GFPT2: variants seen among roughly 807,000 people sequenced by gnomAD.
The protein encoded by GFPT2 is glutamine--fructose-6-phosphate transaminase 2.
A neutral mutation model predicts 85.6 loss-of-function variants in GFPT2; 62 were observed. The ratio of observed to expected loss-of-function variants is 0.72; its 90% CI spans 0.59 to 0.90. The LOEUF (loss-of-function observed/expected upper bound fraction) is 0.90, where lower values mean the gene tolerates loss of function less well. GFPT2 is among the 40% of genes least tolerant of loss of function. The pLI, the probability that GFPT2 is intolerant of heterozygous loss-of-function variation, is 0.00. For missense variants in GFPT2, 788 were observed against 893.4 expected, an observed-to-expected ratio of 0.88 and a Z score of 1.50; for synonymous variants, 368 against 344.5, an observed-to-expected ratio of 1.07 and a Z score of -0.75.
chr5:180,343,239 A>G (rs563409719), intron 1 of GFPT2, among the ~76,000 whole-genome samples: 9 of 152,272 alleles, frequency 5.9e-5, no homozygotes. Context: ...TCCCCCCTGC[A>G]GCTCCCCCAC....
chr5:180,308,873 C>CTTT (rs35259770), intron 15 of GFPT2, among the ~76,000 whole-genome samples: 2 of 143,986 alleles, frequency 1.4e-5, no homozygotes, highest in African/African-American at 5.1e-5. Context: ...TCAGAGAAGA[C>CTTT]TTTTTTTTTT....
At chr5:180,307,407 T>G in intron 15 of GFPT2, 104 bp from the exon 16 acceptor site, 1 of 1,121,586 alleles carries the variant, frequency 8.9e-7, no homozygotes, top group Non-Finnish European at 1.3e-6. Context: ...TGAAACCGCA[T>G]CACTTAGCAC....
chr5:180,318,689 G>A lies in GFPT2; in HGVS notation c.958+104C>T, dbSNP rs892372635. The A allele has an allele frequency of 1.5e-4, 140 of 961,892 alleles. No individual in the cohort carries two copies. The African/African-American group carries it at 2.0e-3, about 14-fold the overall frequency. The allele number at this position is 961,892 out of a possible 1,614,324, so 59.6% of individuals were successfully genotyped here. A position where few individuals can be genotyped will look rare whatever the true frequency, so the allele number is the denominator to read the frequency against. ...AGCCCCGCCCTGGTGGCCACAGAGG[G>A]CAGGAGGGCTGTGGCCTCTACTAGG... is the stretch of plus-strand genomic sequence containing the variant. On this transcript the variant is annotated intron_variant, in intron 10 of 18. Coordinates refer to ENST00000253778, the MANE Select transcript of GFPT2 (RefSeq NM_005110.4). The surrounding 1 kb of genome is among the most constrained non-coding windows in gnomAD (Gnocchi z 4.2).
At position 180,301,337 on chromosome 5, in the gene GFPT2, A is replaced by C. The variant is rs1389439203; in HGVS notation, c.*227T>G. 6.7e-6 allele frequency: 4 copies of C among 595,546 alleles called. No homozygotes were observed. In the African/African-American group the frequency reaches 7.4e-5, roughly 11 times the overall value. The allele number at this position is 595,546 out of a possible 1,614,324, so 36.9% of individuals were successfully genotyped here. A position where few individuals can be genotyped will look rare whatever the true frequency, so the allele number is the denominator to read the frequency against. On this transcript the variant is annotated 3_prime_UTR_variant, in exon 19 of 19. Coordinates refer to ENST00000253778, the MANE Select transcript of GFPT2 (RefSeq NM_005110.4). The stretch of plus-strand genomic sequence containing the variant: ...AGTGGAGAAGTCTGCTCTGATCCCC[A>C]TGTGTAAACAATGATTCCCTTCTCC...
chr5:180,348,054 C>T (rs1764643226), intron 1 of GFPT2, among the ~76,000 whole-genome samples: 1 of 152,102 alleles, frequency 6.6e-6, no homozygotes, highest in Non-Finnish European at 1.5e-5. Flanking sequence ...GAAGCTATGT[C>T]ACCACCCACC....
At chr5:180,322,336 G>A (rs1581377722) in intron 9 of GFPT2, among the ~76,000 whole-genome samples, 1 of 151,704 alleles carries the variant, frequency 6.6e-6, no homozygotes. Flanking sequence ...TTCCTACTGA[G>A]GAATGTGGAA....
intron 1 of GFPT2, among the ~76,000 whole-genome samples, chr5:180,344,526 G>C (rs561700432): frequency 1.3e-5 from 2 of 152,238 alleles, no homozygotes; most frequent in Non-Finnish European, 2.9e-5. Context: ...TGTTTGGACA[G>C]TGGTGTACAT....
At chr5:180,313,606 TAAAATA>T (rs370913578) in intron 14 of GFPT2, among the ~76,000 whole-genome samples, 195 bp downstream of exon 14, 2 of 144,302 alleles carry the variant, frequency 1.4e-5, no homozygotes, top group Non-Finnish European at 3.0e-5. Context: ...AATAAATAAA[TAAAATA>T]AAAATAAAAA....
At chr5:180,352,316 T>C in intron 1 of GFPT2, 1 of 375,844 alleles carries the variant, frequency 2.7e-6, no homozygotes, top group Non-Finnish European at 4.9e-6. Context: ...GAGGCTGGAA[T>C]GGGTAACCGA....
chr5:180,321,852 C>T (rs1032544400), intron 9 of GFPT2, among the ~76,000 whole-genome samples: 13 of 152,204 alleles, frequency 8.5e-5, no homozygotes, highest in African/African-American at 1.7e-4. Context: ...GGCGCGATCT[C>T]GGCTCACTGC....
intron 9 of GFPT2, among the ~76,000 whole-genome samples, chr5:180,321,864 A>G (rs1417221479): frequency 2.6e-5 from 4 of 152,180 alleles, no homozygotes; most frequent in African/African-American, 9.7e-5. Flanking sequence ...GCTCACTGCA[A>G]GCTCCGCCTC....
At chr5:180,350,635 G>A (rs1764694695) in intron 1 of GFPT2, among the ~76,000 whole-genome samples, 1 of 152,220 alleles carries the variant, frequency 6.6e-6, no homozygotes, top group Non-Finnish European at 1.5e-5. Context: ...AGCAGAGAAG[G>A]AAAGGAGAGA....
chr5:180,334,614 A>G (rs535882899), intron 4 of GFPT2, among the ~76,000 whole-genome samples: 22 of 152,342 alleles, frequency 1.4e-4, no homozygotes, highest in African/African-American at 4.8e-4. Flanking sequence ...GCACGAACTT[A>G]CACTATGCCA....
At chr5:180,343,954 C>G (rs770875364) in intron 1 of GFPT2, among the ~76,000 whole-genome samples, 1 of 152,226 alleles carries the variant, frequency 6.6e-6, no homozygotes, top group South Asian at 2.1e-4. Flanking sequence ...AGGTATCCAG[C>G]GGACTTTTTG....
At position 180,324,784 on chromosome 5, in the gene GFPT2, T is replaced by C. The variant is rs200332513; in HGVS notation, c.676+32A>G. The C allele has an allele frequency of 1.1e-4, 151 of 1,355,656 alleles. No homozygotes were observed. The African/African-American group carries it at 2.1e-3, about 19-fold the overall frequency. 84.0% of individuals were successfully genotyped at this position (1,355,656 alleles called of 1,614,324 possible). A position where few individuals can be genotyped will look rare whatever the true frequency, so the allele number is the denominator to read the frequency against. ...TGCCGAGTCCTGCGACACCAGCAGCTGTGCTGTTCCGGTACTTCTTGAGAA... is the reference window on the plus strand; with the variant it reads ...TGCCGAGTCCTGCGACACCAGCAGCCGTGCTGTTCCGGTACTTCTTGAGAA... On this transcript the variant is annotated intron_variant, in intron 8 of 18. Transcript: ENST00000253778.
intron 4 of GFPT2, among the ~76,000 whole-genome samples, chr5:180,335,261 A>G (rs1439860754): frequency 2.0e-5 from 3 of 152,218 alleles, no homozygotes; most frequent in Non-Finnish European, 4.4e-5. Flanking sequence ...TCCACCTGGG[A>G]AGAGCCCCTG....
intron 1 of GFPT2, among the ~76,000 whole-genome samples, chr5:180,350,561 T>C (rs1387713299): frequency 6.6e-6 from 1 of 152,112 alleles, no homozygotes; most frequent in Admixed American, 6.5e-5. Context: ...ACCCATGAGA[T>C]CTTCGAGTCC....
chr5:180,315,217 G>A (rs1006159171), intron 13 of GFPT2, among the ~76,000 whole-genome samples: 18 of 149,220 alleles, frequency 1.2e-4, no homozygotes, highest in Non-Finnish European at 1.6e-4. Context: ...TCGCTCTGTC[G>A]CCCAGGCTGG....
intron 4 of GFPT2, among the ~76,000 whole-genome samples, chr5:180,332,239 G>C (rs1054054004): frequency 1.4e-5 from 2 of 145,328 alleles, no homozygotes; most frequent in African/African-American, 2.8e-5. Flanking sequence ...GGGAGGTGGC[G>C]GGGGGGCGGG....
Sources: allele counts gnomAD v4.1 joint callset (sites outside exome capture counted in the v4.1 genomes callset), GRCh38; gene constraint gnomAD v4.1.1; non-coding constraint Gnocchi (gnomAD v3.1); transcripts MANE v1.5; gene names NCBI Gene and HGNC (gene_info 2026-07-23, HGNC 2026-07-21).